Variants in TRDN observed in about 807,000 individuals in gnomAD.
TRDN encodes triadin.
A neutral mutation model predicts 149.7 loss-of-function variants in TRDN; 161 were observed. That is an observed-to-expected ratio of 1.08 (90% CI 0.95 to 1.23). The LOEUF is 1.23. TRDN is among the 50% of genes most tolerant of loss of function. The pLI is 0.00. For missense variants in TRDN, 896 were observed against 823.5 expected (o/e 1.09, Z -1.08); for synonymous variants, 294 against 250.5 (o/e 1.17, Z -1.64).
At chr6:123,363,704 T>C (rs987344482) in intron 20 of TRDN, among the ~76,000 whole-genome samples, 8 of 152,212 alleles carry the variant, frequency 5.3e-5, no homozygotes, top group Non-Finnish European at 1.0e-4. Flanking sequence ...CCATTCTTAG[T>C]TGAGGACTCT....
At chr6:123,606,271 T>C (rs1315510393) in intron 1 of TRDN, among the ~76,000 whole-genome samples, 3 of 152,130 alleles carry the variant, frequency 2.0e-5, no homozygotes, top group Non-Finnish European at 4.4e-5. Context: ...AATATTTTAA[T>C]GATTTAATCC....
At chr6:123,555,191 G>A (rs2114470124) in intron 2 of TRDN, among the ~76,000 whole-genome samples, 1 of 152,140 alleles carries the variant, frequency 6.6e-6, no homozygotes, top group Admixed American at 6.5e-5. Context: ...CATAAGTTGG[G>A]CCACTTGTCC....
intron 12 of TRDN, among the ~76,000 whole-genome samples, chr6:123,434,193 A>G (rs2114581167): frequency 6.6e-6 from 1 of 152,256 alleles, no homozygotes; most frequent in Admixed American, 6.5e-5. Context: ...TATGAATTTT[A>G]TCATCTTGGA....
At chr6:123,242,045 T>A (rs1387768385) in intron 38 of TRDN, among the ~76,000 whole-genome samples, 2 of 152,176 alleles carry the variant, frequency 1.3e-5, no homozygotes, top group African/African-American at 4.8e-5. Context: ...ACCTATAAAA[T>A]CTTTTTCTTT....
intron 10 of TRDN, among the ~76,000 whole-genome samples, chr6:123,453,010 C>G (rs184799184): frequency 1.3e-5 from 2 of 152,048 alleles, no homozygotes; most frequent in African/African-American, 4.8e-5. Flanking sequence ...GAAAGGACAC[C>G]CTTTTCAACA....
chr6:123,309,115 A>G lies in TRDN; in HGVS notation c.1510+7342T>C, dbSNP rs148421563. Among the ~76,000 whole-genome samples, 39 of 152,126 alleles carry G rather than the reference A, an allele frequency of 2.6e-4. No homozygotes were observed. The East Asian group carries it at 7.5e-3, about 29-fold the overall frequency. ...ACTCCTGATTCTAATTTATTTCTAT[A>G]GAATTTCACTCTACATGCCATTATG... On this transcript the variant is annotated intron_variant, in intron 24 of 40. Coordinates refer to ENST00000334268, the MANE Select transcript of TRDN (RefSeq NM_006073.4).
chr6:123,505,787 C>A (rs1374350682), intron 7 of TRDN, among the ~76,000 whole-genome samples: 2 of 151,532 alleles, frequency 1.3e-5, no homozygotes, highest in Non-Finnish European at 2.9e-5. Flanking sequence ...GCAACCTCTG[C>A]CTCTCAGTTT....
intron 2 of TRDN, among the ~76,000 whole-genome samples, chr6:123,555,781 G>A (rs1476480261): frequency 2.0e-5 from 3 of 151,974 alleles, no homozygotes; most frequent in Non-Finnish European, 4.4e-5. Flanking sequence ...TAATAATTGG[G>A]GAAGAACTGA....
At chr6:123,275,302 T>C (rs1488659011) in intron 26 of TRDN, among the ~76,000 whole-genome samples, 1 of 152,006 alleles carries the variant, frequency 6.6e-6, no homozygotes, top group Non-Finnish European at 1.5e-5. Flanking sequence ...ACTATTGTCC[T>C]TATAAGAAGA....
chr6:123,529,207 C>T, intron 5 of TRDN: 2 of 1,548,146 alleles, frequency 1.3e-6, no homozygotes, highest in East Asian at 4.9e-5. Flanking sequence ...AGTTGAGTTT[C>T]TGTTTAACCT....
Position 123,594,279 on chromosome 6 carries a change from C to A in TRDN, c.23-23147G>T, listed in dbSNP as rs73539195. 5.6e-3 allele frequency among the ~76,000 whole-genome samples: 845 copies of A among 151,976 alleles called. 8 individuals carry two copies. The highest frequency in any genetic ancestry group is 0.019 in the African/African-American group (791 of 41,458). ...AAATAAGATTTTAACATTCAAATAA[C>A]CCTATTATTTTTACCTTATGAATCT... On this transcript the variant is annotated intron_variant, in intron 1 of 40. Coordinates refer to ENST00000334268, the MANE Select transcript of TRDN (RefSeq NM_006073.4).
At chr6:123,516,349 G>A in intron 5 of TRDN, 143 bp from the exon 6 acceptor site, 2 of 1,017,570 alleles carry the variant, frequency 2.0e-6, no homozygotes, top group Non-Finnish European at 2.6e-6. Flanking sequence ...TGTAGTTAGA[G>A]GTTTAAACTT....
intron 21 of TRDN, among the ~76,000 whole-genome samples, chr6:123,340,919 A>G (rs967076384): frequency 3.9e-5 from 6 of 152,114 alleles, no homozygotes; most frequent in South Asian, 2.1e-4. Context: ...CTGTTCCTAA[A>G]GTTATTTAAT....
At chr6:123,223,672 TCTTCCTTCCTTCCTTC>T (rs59071931) in intron 39 of TRDN, among the ~76,000 whole-genome samples, 3,007 of 105,778 alleles carry the variant, frequency 0.028, 94 homozygotes, top group African/African-American at 0.07. Context: ...GCCTTCCATT[TCTTCCTTCCTTCCTTC>T]CTTCCTTCCT....
At chr6:123,464,276 A>C (rs528975469) in intron 10 of TRDN, 8 of 985,096 alleles carry the variant, frequency 8.1e-6, no homozygotes, top group Non-Finnish European at 9.6e-6. Context: ...AATTTATTAC[A>C]AAGCTGATCT....
In TRDN at chr6:123,346,830, G is replaced by A. The variant is rs138136800; in HGVS notation, c.1369+5709C>T. 1.3e-3 allele frequency among the ~76,000 whole-genome samples: 193 copies of A among 152,096 alleles called. 1 individual carries two copies. The highest frequency in any genetic ancestry group is 2.0e-3 in the Non-Finnish European group (135 of 67,976). ...GCAACCACATAGACAGATTAAATAC[G>A]ATGATAAAGGGCTCAGAACTCTGGG... On this transcript the variant is annotated intron_variant, in intron 21 of 40. Coordinates refer to ENST00000334268, the MANE Select transcript of TRDN (RefSeq NM_006073.4).
At chr6:123,301,756 T>TATATATATACATATATATATATACAC (rs1554221687) in intron 24 of TRDN, among the ~76,000 whole-genome samples, 1 of 71,560 alleles carries the variant, frequency 1.4e-5, no homozygotes, top group Admixed American at 1.9e-4. Flanking sequence ...TATATACATA[T>TATATATATACATATATATATATACAC]ATATATATAT....
intron 16 of TRDN, among the ~76,000 whole-genome samples, chr6:123,380,714 G>GTTTTT (rs34270959): frequency 6.7e-5 from 8 of 118,694 alleles, no homozygotes; most frequent in African/African-American, 1.2e-4. Flanking sequence ...AAGTTCAAGG[G>GTTTTT]TTTTTTTTTT....
rs939674538 is a variant in TRDN, at chr6:123,377,870, T to C, written c.1215A>G (p.Glu405=). 1.7e-5 allele frequency: 26 copies of C among 1,552,754 alleles called. No homozygotes were observed. Among genetic ancestry groups the C allele is most frequent in the Non-Finnish European group, 2.6e-6 (3 of 1,138,442 alleles). ...KKQEKKEKHV[E]PAKSPKKEHS... is the part of the protein sequence containing the mutation. Reference sequence around the variant, plus strand: ...GAGGAATTTAAAAACAGTTACCTGGTTCCACATGTTTTTCTTTCTTTTCCT... The same window carrying C: ...GAGGAATTTAAAAACAGTTACCTGGCTCCACATGTTTTTCTTTCTTTTCCT... The change falls in exon 17 of 41, where the codon GAA becomes GAG. Residue 405 remains glutamate, a synonymous_variant. Coordinates refer to ENST00000334268, the MANE Select transcript of TRDN (RefSeq NM_006073.4).
Sources: gnomAD v4.1 joint callset for allele counts (sites outside exome capture counted in the v4.1 genomes callset) on GRCh38, gnomAD v4.1.1 for gene constraint, MANE v1.5 for transcripts, NCBI Gene and HGNC (gene_info 2026-07-23, HGNC 2026-07-21) for gene names.